Variants in LARGE1 observed in about 807,000 individuals in gnomAD.
LARGE1 encodes xylosyl- and glucuronyltransferase LARGE1.
In LARGE1, 43 loss-of-function variants were observed where a neutral mutation model predicts 87.6. The observed-to-expected ratio is 0.49, with a 90% CI of 0.38 to 0.63. LARGE1 has a LOEUF of 0.63. Among genes scored for constraint, LARGE1 ranks in the 30% least tolerant of loss-of-function variants. The pLI is 0.00. For synonymous variants in LARGE1, 434 were observed against 394.6 expected (o/e 1.10, Z -1.18); for missense variants, 802 against 1,000.2 (o/e 0.80, Z 2.67).
At chr22:33,233,738 T>C (rs1043334351) in intron 11 of LARGE1, among the ~76,000 whole-genome samples, 1 of 152,172 alleles carries the variant, frequency 6.6e-6, no homozygotes, top group African/African-American at 2.4e-5. Flanking sequence ...CATAACAAAG[T>C]ACCACAGACT....
chr22:33,366,873 T>A (rs1236383575), intron 9 of LARGE1, among the ~76,000 whole-genome samples: 1 of 152,186 alleles, frequency 6.6e-6, no homozygotes, highest in Non-Finnish European at 1.5e-5. Flanking sequence ...TTAAAAAGTG[T>A]TCCTCTTTTC....
chr22:33,107,555 A>C, the LARGE1 span, among the ~76,000 whole-genome samples: 1 of 151,396 alleles, frequency 6.6e-6, no homozygotes, highest in African/African-American at 2.4e-5. Context: ...ACTTTGTCTC[A>C]AAAAAAATCA....
intron 11 of LARGE1, among the ~76,000 whole-genome samples, chr22:33,223,907 C>A (rs959098236): frequency 2.0e-5 from 3 of 152,196 alleles, no homozygotes; most frequent in Middle Eastern, 3.2e-3. Context: ...CACAAATGCT[C>A]ACCCAGCCCC....
At chr22:33,605,946 G>A (rs2079241751) in intron 4 of LARGE1, among the ~76,000 whole-genome samples, 1 of 152,210 alleles carries the variant, frequency 6.6e-6, no homozygotes, top group East Asian at 1.9e-4. Context: ...AAAGGGAAAT[G>A]CAGGACTTTG....
intron 7 of LARGE1, among the ~76,000 whole-genome samples, chr22:33,387,577 C>T (rs1271650663): frequency 6.7e-6 from 1 of 149,472 alleles, no homozygotes; most frequent in Non-Finnish European, 1.5e-5. Context: ...TATTAATGCA[C>T]ATTTTTGAAG....
chr22:33,666,312 A>G (rs2081265411), intron 2 of LARGE1, among the ~76,000 whole-genome samples: 1 of 152,228 alleles, frequency 6.6e-6, no homozygotes, highest in African/African-American at 2.4e-5. Context: ...TCAGAGGGCA[A>G]GCATGGATGC....
intron 6 of LARGE1, among the ~76,000 whole-genome samples, chr22:33,543,643 G>C (rs1263857452): frequency 1.3e-5 from 2 of 152,228 alleles, no homozygotes; most frequent in African/African-American, 4.8e-5. Flanking sequence ...AAGTGACAGA[G>C]ACTTTACTGA....
intron 11 of LARGE1, among the ~76,000 whole-genome samples, chr22:33,201,330 G>C (rs1280742015): frequency 6.7e-6 from 1 of 149,162 alleles, no homozygotes; most frequent in Non-Finnish European, 1.5e-5. Flanking sequence ...AAGAGAGAAA[G>C]AGAGAGAGAA....
intron 12 of LARGE1, among the ~76,000 whole-genome samples, chr22:33,295,244 G>A (rs1436728850): frequency 6.6e-6 from 1 of 152,202 alleles, no homozygotes; most frequent in Non-Finnish European, 1.5e-5. Context: ...TTCCTGGCAA[G>A]GTGTGTGGGC....
intron 7 of LARGE1, among the ~76,000 whole-genome samples, chr22:33,404,882 G>A (rs1034521047): frequency 1.3e-5 from 2 of 152,120 alleles, no homozygotes; most frequent in Non-Finnish European, 2.9e-5. Flanking sequence ...CTGTTCAGTG[G>A]GGGGGAAGGA....
chr22:33,857,257 G>C (rs1391388041), intron 1 of LARGE1, among the ~76,000 whole-genome samples: 2 of 152,212 alleles, frequency 1.3e-5, no homozygotes, highest in African/African-American at 4.8e-5. Context: ...GGGGCAGACA[G>C]ATTAGTGGCT....
At chr22:33,644,735 G>GA (rs879263005) in intron 3 of LARGE1, among the ~76,000 whole-genome samples, 1 of 152,078 alleles carries the variant, frequency 6.6e-6, no homozygotes, top group African/African-American at 2.4e-5. Context: ...AAACCAAGGT[G>GA]AAAAAATCAC....
chr22:33,177,337 T>C (rs1164747125), intron 11 of LARGE1, among the ~76,000 whole-genome samples: 1 of 152,136 alleles, frequency 6.6e-6, no homozygotes, highest in Admixed American at 6.6e-5. Context: ...AGAAAGATTA[T>C]AGTGCCTTAT....
intron 11 of LARGE1, among the ~76,000 whole-genome samples, chr22:33,213,017 G>GAAA (rs140755781): frequency 1.6e-5 from 2 of 123,672 alleles, no homozygotes; most frequent in South Asian, 5.1e-4. Flanking sequence ...GACTCCGTCT[G>GAAA]AAAAAAAAAA....
intron 11 of LARGE1, among the ~76,000 whole-genome samples, chr22:33,310,292 T>G (rs992494883): frequency 1.3e-5 from 2 of 152,162 alleles, no homozygotes; most frequent in Non-Finnish European, 2.9e-5. Flanking sequence ...GTCATCCCCA[T>G]GAGGCCCCGC....
intron 2 of LARGE1, among the ~76,000 whole-genome samples, chr22:33,684,711 T>C (rs2081893840): frequency 6.6e-6 from 1 of 152,124 alleles, no homozygotes; most frequent in East Asian, 1.9e-4. Context: ...GCTAAGAAGC[T>C]GAGAACTCAT....
At chr22:33,275,504 G>T (rs1413350240) in intron 14 of LARGE1, among the ~76,000 whole-genome samples, 1 of 152,260 alleles carries the variant, frequency 6.6e-6, no homozygotes, top group Non-Finnish European at 1.5e-5. Flanking sequence ...GACAGTTGCT[G>T]GTGAGGAATG....
intron 1 of LARGE1, among the ~76,000 whole-genome samples, chr22:33,881,322 A>G (rs1399018484): frequency 1.3e-5 from 2 of 152,196 alleles, no homozygotes; most frequent in Non-Finnish European, 1.5e-5. Context: ...CCCTGCACTA[A>G]ATCCCCCAGG....
intron 11 of LARGE1, among the ~76,000 whole-genome samples, chr22:33,201,415 GGAAGGAAGGAAGGAAA>G (rs555011274): frequency 0.035 from 4,516 of 128,934 alleles, 94 homozygotes; most frequent in Admixed American, 0.064. Context: ...AGAAAAAGAA[GGAAGGAAGGAAGGAAA>G]GAAGGAAGGA....
Sources: allele counts gnomAD v4.1 joint callset (sites outside exome capture counted in the v4.1 genomes callset), GRCh38; gene constraint gnomAD v4.1.1; transcripts MANE v1.5; gene names NCBI Gene and HGNC (gene_info 2026-07-23, HGNC 2026-07-21).